The following B4GALNT3 variants were observed in gnomAD, a reference collection of about 807,000 sequenced individuals.
B4GALNT3 encodes beta-1,4-N-acetyl-galactosaminyltransferase 3.
In B4GALNT3, 86 loss-of-function variants were observed where a neutral mutation model predicts 120.2. The observed-to-expected ratio is 0.72, with a 90% CI of 0.60 to 0.86. B4GALNT3 has a LOEUF of 0.86. Among genes scored for constraint, B4GALNT3 ranks in the 40% least tolerant of loss-of-function variants. The probability of loss-of-function intolerance (pLI) is 0.00; values close to 1 mark genes in which losing one functional copy is unlikely to be tolerated. For synonymous variants in B4GALNT3, 518 were observed against 510.4 expected (o/e 1.01, Z -0.20); for missense variants, 1,167 against 1,298.9 (o/e 0.90, Z 1.56).
In B4GALNT3 at chr12:557,679, C is replaced by T. The variant is rs181169489; in HGVS notation, c.2452C>T (p.Pro818Ser). Residue 818 changes from proline to serine, a missense_variant, in exon 16 of 20, where the codon CCA becomes TCA. Pro to Ser is a moderately conservative substitution (Grantham distance 74, BLOSUM62 -1). Around this residue, in one of 3 missense-constraint regions of B4GALNT3, gnomAD observed 983 missense variants for 1,102.5 expected, o/e 0.89. Coordinates refer to ENST00000266383, the MANE Select transcript of B4GALNT3 (RefSeq NM_173593.4). ...MENLFQVTGD[P>S]HFNIVITDYS... The stretch of plus-strand genomic sequence containing the variant: ...AAACCTGTTCCAGGTCACCGGTGAC[C>T]CACACTTCAACATCGTCATCACTGA... 2 of 1,609,664 alleles carry T rather than the reference C, an allele frequency of 1.2e-6. No homozygotes were observed. Among genetic ancestry groups the T allele is most frequent in the East Asian group, 2.2e-5 (1 of 44,742 alleles).
intron 1 of B4GALNT3, among the ~76,000 whole-genome samples, chr12:506,246 C>A (rs1454050645): frequency 2.0e-5 from 3 of 152,032 alleles, no homozygotes; most frequent in East Asian, 1.9e-4. Flanking sequence ...GTAACACTTA[C>A]AATGGTCCTT....
chr12:484,249 G>A (rs548132107), intron 1 of B4GALNT3, among the ~76,000 whole-genome samples: 7 of 152,190 alleles, frequency 4.6e-5, no homozygotes, highest in Non-Finnish European at 1.0e-4. Flanking sequence ...TCCCCGAGGT[G>A]CTGGCTTTCA....
intron 3 of B4GALNT3, among the ~76,000 whole-genome samples, chr12:543,387 C>T (rs576107061): frequency 6.6e-6 from 1 of 150,738 alleles, no homozygotes; most frequent in Non-Finnish European, 1.5e-5. Flanking sequence ...GCTCATCCTC[C>T]TGGAGCTGAG....
chr12:505,214 T>G (rs978453691), intron 1 of B4GALNT3, among the ~76,000 whole-genome samples: 5 of 152,202 alleles, frequency 3.3e-5, no homozygotes, highest in African/African-American at 1.2e-4. Flanking sequence ...TTAACAGATG[T>G]TCTATACTAT....
At chr12:512,785 T>TCCACCTTCCGCCTTCCAC (rs1479563951) in intron 1 of B4GALNT3, among the ~76,000 whole-genome samples, 2 of 129,104 alleles carry the variant, frequency 1.5e-5, no homozygotes, top group African/African-American at 6.1e-5. Flanking sequence ...CTGCCTTCCT[T>TCCACCTTCCGCCTTCCAC]CCACCTTCCG....
intron 1 of B4GALNT3, among the ~76,000 whole-genome samples, chr12:511,317 TTCTGC>T (rs1946550896): frequency 2.8e-5 from 1 of 35,552 alleles, no homozygotes. Context: ...ACCTTCCGCC[TTCTGC>T]CTTCCACCTT....
intron 1 of B4GALNT3, among the ~76,000 whole-genome samples, chr12:479,198 G>A (rs1221642273): frequency 7.1e-6 from 1 of 140,868 alleles, no homozygotes; most frequent in Non-Finnish European, 1.6e-5. Flanking sequence ...TTTGTTTCAT[G>A]GCTGTGGCTT....
At chr12:510,180 G>A (rs1565597269) in intron 1 of B4GALNT3, among the ~76,000 whole-genome samples, 1 of 152,204 alleles carries the variant, frequency 6.6e-6, no homozygotes, top group Non-Finnish European at 1.5e-5. Context: ...CTCAAAGCAG[G>A]CATTGACAGG....
At chr12:461,629 G>A (rs1946023544) in intron 1 of B4GALNT3, among the ~76,000 whole-genome samples, 1 of 152,244 alleles carries the variant, frequency 6.6e-6, no homozygotes, top group African/African-American at 2.4e-5. Context: ...GGACAGAGTG[G>A]CTGAGCAAGC....
chr12:558,395 G>T, intron 17 of B4GALNT3, 113 bp from the exon 18 acceptor site: 1 of 1,029,692 alleles, frequency 9.7e-7, no homozygotes, highest in Non-Finnish European at 1.4e-6. Context: ...TGGTTTTGTG[G>T]GAGTTTGTGA....
Position 546,189 on chromosome 12 carries a change from G to A in B4GALNT3, c.640-457G>A, listed in dbSNP as rs368543442. Among the ~76,000 whole-genome samples the A allele has an allele frequency of 1.1e-4, 14 of 122,152 alleles. 2 individuals are homozygous for A. The highest frequency in any genetic ancestry group is 2.6e-4 in the East Asian group (1 of 3,800). The allele number at this position is 122,152 out of a possible 152,430, so 80.1% of individuals were successfully genotyped here. ...TGAGAAAGAGGGAGCAGTGAGAAGTGGGCAGGGGGTGTGAGAGGAGGGAGG... is the reference window on the plus strand; with the variant it reads ...TGAGAAAGAGGGAGCAGTGAGAAGTAGGCAGGGGGTGTGAGAGGAGGGAGG... On this transcript the variant is annotated intron_variant, in intron 6 of 19. Coordinates refer to ENST00000266383, the MANE Select transcript of B4GALNT3 (RefSeq NM_173593.4).
chr12:486,069 G>A (rs1450715071), intron 1 of B4GALNT3, among the ~76,000 whole-genome samples: 1 of 152,072 alleles, frequency 6.6e-6, no homozygotes, highest in Admixed American at 6.6e-5. Context: ...AATTCCAGGG[G>A]ACTCAGTCCC....
intron 1 of B4GALNT3, among the ~76,000 whole-genome samples, chr12:509,623 G>C (rs11836102): frequency 0.012 from 1,841 of 152,248 alleles, 41 homozygotes; most frequent in African/African-American, 0.041. Context: ...GCCTGGGTAG[G>C]GGGGTGGCAA....
chr12:491,474 C>T (rs375377290), intron 1 of B4GALNT3, among the ~76,000 whole-genome samples: 10 of 151,738 alleles, frequency 6.6e-5, no homozygotes, highest in African/African-American at 1.5e-4. Context: ...AGATTACAGG[C>T]GTGCACCATC....
At position 548,188 on chromosome 12, in the gene B4GALNT3, C is replaced by T; in HGVS notation, c.787-43C>T. 1 of 1,609,538 alleles carries T rather than the reference C, an allele frequency of 6.2e-7. No individual in the cohort carries two copies. Among genetic ancestry groups the T allele is most frequent in the Non-Finnish European group, 8.5e-7 (1 of 1,175,832 alleles). ...CCCTTGACCCCTGTTGGAAATCCAG[C>T]TACCTCCCACCTTCTGCATCTACCC... On this transcript the variant is annotated intron_variant, in intron 8 of 19. Coordinates refer to ENST00000266383, the MANE Select transcript of B4GALNT3 (RefSeq NM_173593.4). This position sits in a 1 kb window ranked among gnomAD's most constrained non-coding sequence, Gnocchi z 4.9.
At chr12:511,633 C>T (rs1946563661) in intron 1 of B4GALNT3, among the ~76,000 whole-genome samples, 1 of 133,056 alleles carries the variant, frequency 7.5e-6, no homozygotes, top group Non-Finnish European at 1.6e-5. Flanking sequence ...TTCGACCTTC[C>T]ACCTTCCACC....
At chr12:474,436 G>T (rs1946164749) in intron 1 of B4GALNT3, among the ~76,000 whole-genome samples, 1 of 152,166 alleles carries the variant, frequency 6.6e-6, no homozygotes, top group Non-Finnish European at 1.5e-5. Context: ...TCCCCCATGA[G>T]ATTGTAAATT....
rs562625426 is a variant in B4GALNT3, at chr12:469,777, G to A, written c.169+9232G>A. Among the ~76,000 whole-genome samples the A allele has an allele frequency of 2.0e-5, 3 of 152,142 alleles. No homozygotes were observed. In the South Asian group the frequency reaches 6.3e-4, roughly 32 times the overall value. On this transcript the variant is annotated intron_variant, in intron 1 of 19. Coordinates refer to ENST00000266383, the MANE Select transcript of B4GALNT3 (RefSeq NM_173593.4). The stretch of plus-strand genomic sequence containing the variant: ...CACACTGGGATTTCTGGGACTAAAA[G>A]GCAGGAACACCTGGCAGTTATCTCA...
In B4GALNT3 at chr12:510,740, G is replaced by C. The variant is rs543988236; in HGVS notation, c.170-24426G>C. Among the ~76,000 whole-genome samples, 10 of 152,098 alleles carry C rather than the reference G, an allele frequency of 6.6e-5. No individual in the cohort carries two copies. In the South Asian group the frequency reaches 2.1e-3, roughly 32 times the overall value. ...TAAACAGGGAGTGGAGATGCTTTGG[G>C]AAGTAGGGAGAAGGGAGAGCCCCAG... On this transcript the variant is annotated intron_variant, in intron 1 of 19. Coordinates refer to ENST00000266383, the MANE Select transcript of B4GALNT3 (RefSeq NM_173593.4).
Sources: allele counts gnomAD v4.1 joint callset (sites outside exome capture counted in the v4.1 genomes callset), GRCh38; gene constraint gnomAD v4.1.1; regional missense constraint gnomAD v4.1.1; non-coding constraint Gnocchi (gnomAD v3.1); transcripts MANE v1.5; gene names NCBI Gene and HGNC (gene_info 2026-07-23, HGNC 2026-07-21).